The following BRI3BP variants were observed in gnomAD, a reference collection of about 807,000 sequenced individuals.
BRI3BP encodes BRI3 binding protein, also known as BRI3-binding protein.
A neutral mutation model predicts 15.8 loss-of-function variants in BRI3BP; 7 were observed. The ratio of observed to expected loss-of-function variants is 0.44; its 90% CI spans 0.25 to 0.83. The LOEUF is 0.83. Among genes scored for constraint, BRI3BP ranks in the 40% least tolerant of loss-of-function variants. BRI3BP has a pLI of 0.20. For synonymous variants in BRI3BP, 192 were observed against 163.5 expected, an observed-to-expected ratio of 1.17 and a Z score of -1.33; for missense variants, 320 against 339.3, an observed-to-expected ratio of 0.94 and a Z score of 0.45.
chr12:125,027,013 TC>T lies in BRI3BP; in HGVS notation c.*1584del, dbSNP rs1955361205. The T allele has an allele frequency of 6.6e-6, 1 of 150,636 alleles. No individual in the cohort carries two copies. Among genetic ancestry groups the T allele is most frequent in the Non-Finnish European group, 1.5e-5 (1 of 67,872 alleles). The allele number at this position is 150,636 out of a possible 1,614,324, so 9.3% of individuals were successfully genotyped here. ...GAAGCTGCTGGGGATCACGACTGTCTCTGTGGCCCTTACCTGGCCACAGATG... is the reference window on the plus strand; with the variant it reads ...GAAGCTGCTGGGGATCACGACTGTCTTGTGGCCCTTACCTGGCCACAGATG... On this transcript the variant is annotated 3_prime_UTR_variant, in exon 3 of 3. Transcript: ENST00000341446.
intron 2 of BRI3BP, among the ~76,000 whole-genome samples, chr12:125,022,541 A>ATTTATTTTTTTTTTTTTTTTTTTTT: frequency 1.4e-5 from 2 of 139,404 alleles, no homozygotes; most frequent in African/African-American, 5.8e-5. Context: ...TTATTTATTT[A>ATTTATTTTTTTTTTTTTTTTTTTTT]TTTTTTGAGA....
intron 1 of BRI3BP, among the ~76,000 whole-genome samples, chr12:125,010,831 C>T (rs1190774822): frequency 1.3e-5 from 2 of 151,604 alleles, no homozygotes; most frequent in Admixed American, 6.6e-5. Flanking sequence ...TGGTGGCTCA[C>T]GCCTATAATC....
intron 2 of BRI3BP, among the ~76,000 whole-genome samples, chr12:125,022,187 C>T (rs1314051236): frequency 6.6e-6 from 1 of 151,830 alleles, no homozygotes; most frequent in Non-Finnish European, 1.5e-5. Flanking sequence ...CTAAGCCCTC[C>T]AGGGGATTCC....
At chr12:125,006,479 C>G (rs892357455) in intron 1 of BRI3BP, among the ~76,000 whole-genome samples, 2 of 152,296 alleles carry the variant, frequency 1.3e-5, no homozygotes, top group South Asian at 4.1e-4. Flanking sequence ...CTTAGCACTG[C>G]TAGGAGCTCC....
At chr12:125,050,457 G>C in the BRI3BP span, among the ~76,000 whole-genome samples, 1 of 152,208 alleles carries the variant, frequency 6.6e-6, no homozygotes, top group African/African-American at 2.4e-5. Flanking sequence ...TAAAAGAAAG[G>C]CTTAAAGTGC....
At chr12:125,009,283 C>CTTTTTTTTTTT (rs1217778458) in intron 1 of BRI3BP, among the ~76,000 whole-genome samples, 2 of 66,580 alleles carry the variant, frequency 3.0e-5, no homozygotes, top group African/African-American at 1.1e-4. Context: ...ACCCAGCCAT[C>CTTTTTTTTTTT]TTTTTTTTTT....
chr12:125,032,767 C>G (rs1334386128), downstream of BRI3BP, among the ~76,000 whole-genome samples: 1 of 152,214 alleles, frequency 6.6e-6, no homozygotes, highest in African/African-American at 2.4e-5. Flanking sequence ...GAGTGAGATC[C>G]TATCTCAAAA....
At chr12:125,036,880 G>GTT in the BRI3BP span, among the ~76,000 whole-genome samples, 1 of 152,154 alleles carries the variant, frequency 6.6e-6, no homozygotes, top group South Asian at 2.1e-4. Context: ...GAAGGTGGCT[G>GTT]TTTTTTAACC....
downstream of BRI3BP, among the ~76,000 whole-genome samples, chr12:125,031,527 CG>C (rs1012551643): frequency 6.6e-6 from 1 of 151,720 alleles, no homozygotes; most frequent in African/African-American, 2.4e-5. Context: ...CACCCCACCC[CG>C]CATACCCATG....
intron 1 of BRI3BP, among the ~76,000 whole-genome samples, chr12:125,006,774 GAA>G (rs1955147924): frequency 6.6e-6 from 1 of 152,228 alleles, no homozygotes; most frequent in Non-Finnish European, 1.5e-5. Context: ...GTGTGAGCAG[GAA>G]AGTCTCTTCC....
At chr12:125,036,062 TTTTTG>T (rs1464934008), downstream of BRI3BP, among the ~76,000 whole-genome samples, 1 of 6,770 alleles carries the variant, frequency 1.5e-4, no homozygotes, top group East Asian at 0.014. Context: ...TTTTGTTTTG[TTTTTG>T]TTTTTTGTTT....
intron 2 of BRI3BP, among the ~76,000 whole-genome samples, chr12:125,023,452 T>C: frequency 6.6e-6 from 1 of 152,146 alleles, no homozygotes; most frequent in East Asian, 1.9e-4. Flanking sequence ...TAATCCTAGG[T>C]AGTTGTGTGC....
chr12:125,049,815 C>A, the BRI3BP span, among the ~76,000 whole-genome samples: 1 of 150,228 alleles, frequency 6.7e-6, no homozygotes, highest in East Asian at 2.0e-4. Context: ...CTGAGTGTGG[C>A]GCGTGAGTGT....
At chr12:125,033,747 TTG>T (rs1344372000), downstream of BRI3BP, among the ~76,000 whole-genome samples, 1 of 136,312 alleles carries the variant, frequency 7.3e-6, no homozygotes, top group East Asian at 2.1e-4. Flanking sequence ...TGGTTTTTTT[TTG>T]TTTTTTTTTT....
the BRI3BP span, among the ~76,000 whole-genome samples, chr12:125,047,218 G>A: frequency 6.6e-6 from 1 of 151,018 alleles, no homozygotes; most frequent in Middle Eastern, 3.3e-3. Context: ...GCGCGATCTC[G>A]GCTCACTGCA....
In BRI3BP at chr12:125,025,010, T is replaced by C; in HGVS notation, c.336T>C (p.Tyr112=). 6.2e-7 allele frequency: 1 copy of C among 1,612,992 alleles called. No individual in the cohort carries two copies. Among genetic ancestry groups the C allele is most frequent in the Non-Finnish European group, 8.5e-7 (1 of 1,179,704 alleles). The change falls in exon 3 of 3, where the codon TAT becomes TAC. Residue 112 remains tyrosine (Y), a synonymous_variant. Coordinates refer to ENST00000341446, the MANE Select transcript of BRI3BP (RefSeq NM_080626.6). Reference sequence around the variant, plus strand: ...CCGCAGTCTCCAACCTGTCCCAGTATTTCAGCCCAGCCTCGGTGTCCAGCA... The same window carrying C: ...CCGCAGTCTCCAACCTGTCCCAGTACTTCAGCCCAGCCTCGGTGTCCAGCA... ...LGLDVSNLSQ[Y]FSPASVSSSP...
intron 1 of BRI3BP, among the ~76,000 whole-genome samples, chr12:124,995,079 T>G (rs1041226762): frequency 2.0e-5 from 3 of 152,216 alleles, no homozygotes; most frequent in Non-Finnish European, 4.4e-5. Context: ...GAAGGGAATA[T>G]GAAGGCCGAA....
the BRI3BP span, among the ~76,000 whole-genome samples, chr12:125,045,376 C>T: frequency 2.4e-4 from 37 of 152,120 alleles, 1 homozygote; most frequent in African/African-American, 8.0e-4. Flanking sequence ...CTCACTCTGT[C>T]GCCCAGGCTG....
At chr12:125,044,048 A>C in the BRI3BP span, among the ~76,000 whole-genome samples, 6 of 151,452 alleles carry the variant, frequency 4.0e-5, no homozygotes, top group Non-Finnish European at 5.9e-5. Flanking sequence ...GGAAAGAAAG[A>C]TTATTTTCTC....
Sources: gnomAD v4.1 joint callset for allele counts (sites outside exome capture counted in the v4.1 genomes callset) on GRCh38, gnomAD v4.1.1 for gene constraint, MANE v1.5 for transcripts, NCBI Gene and HGNC (gene_info 2026-07-23, HGNC 2026-07-21) for gene names.